CA10: variants seen among roughly 807,000 people sequenced by gnomAD.
CA10 encodes the protein carbonic anhydrase-related protein 10.
Under a neutral mutation model 44.2 loss-of-function variants are expected in CA10, and 14 were observed. The observed-to-expected ratio is 0.32, with a 90% CI of 0.21 to 0.50. CA10 has a LOEUF of 0.50. Ranked by LOEUF, CA10 falls within the 20% of genes least tolerant of loss-of-function variation. The pLI, the probability that CA10 is intolerant of heterozygous loss-of-function variation, is 0.99. For synonymous variants in CA10, 159 were observed against 141.6 expected, an observed-to-expected ratio of 1.12 and a Z score of -0.87; for missense variants, 350 against 409.7, an observed-to-expected ratio of 0.85 and a Z score of 1.26.
intron 1 of CA10, among the ~76,000 whole-genome samples, chr17:52,109,612 C>G (rs1011572532): frequency 6.6e-6 from 1 of 152,148 alleles, no homozygotes; most frequent in Non-Finnish European, 1.5e-5. Flanking sequence ...AAAATAGTGG[C>G]TATTAGTTTC....
At position 52,038,496 on chromosome 17, in the gene CA10, T is replaced by C. The variant is rs1369849017; in HGVS notation, c.136+33823A>G. 1.3e-5 allele frequency among the ~76,000 whole-genome samples: 2 copies of C among 152,142 alleles called. 1 individual carries two copies. The highest frequency in any genetic ancestry group is 4.8e-5 in the African/African-American group (2 of 41,436). On this transcript the variant is annotated intron_variant, in intron 2 of 8. Coordinates refer to ENST00000451037, the MANE Select transcript of CA10 (RefSeq NM_020178.5). ...TTTTTGGAATTAGAATACAGAAGAC[T>C]AAACTGAATTAAACACTAAAGCAAG...
chr17:51,852,596 T>G (rs28547448), intron 3 of CA10, among the ~76,000 whole-genome samples: 32,692 of 152,070 alleles, frequency 0.21, 6,582 homozygotes, highest in African/African-American at 0.54. Context: ...CAGGTCTGAA[T>G]CTAAATGTCC....
chr17:52,050,424 T>C (rs1987031506), intron 2 of CA10, among the ~76,000 whole-genome samples: 1 of 152,092 alleles, frequency 6.6e-6, no homozygotes, highest in Non-Finnish European at 1.5e-5. Context: ...ATTCCATGCT[T>C]GCCCTTTTCT....
intron 2 of CA10, among the ~76,000 whole-genome samples, chr17:52,055,780 C>T (rs1987211250): frequency 6.6e-6 from 1 of 152,086 alleles, no homozygotes; most frequent in Non-Finnish European, 1.5e-5. Context: ...GAATATAAAA[C>T]TCTTTTAAAT....
At chr17:51,728,332 G>A (rs530313424) in intron 4 of CA10, among the ~76,000 whole-genome samples, 88 of 151,822 alleles carry the variant, frequency 5.8e-4, no homozygotes, top group Non-Finnish European at 1.0e-3. Context: ...ACAACACTAT[G>A]AACTAAATTA....
At chr17:51,967,340 A>ATATG (rs1231499592) in intron 2 of CA10, among the ~76,000 whole-genome samples, 3 of 150,324 alleles carry the variant, frequency 2.0e-5, no homozygotes, top group African/African-American at 7.3e-5. Context: ...GGAGATATAT[A>ATATG]TATATATATA....
chr17:52,102,275 GT>G (rs1229986518), intron 1 of CA10, among the ~76,000 whole-genome samples: 1 of 152,082 alleles, frequency 6.6e-6, no homozygotes, highest in Non-Finnish European at 1.5e-5. Context: ...GAACATCTTT[GT>G]TTACTCAAAC....
chr17:51,786,585 G>T (rs1906293579), intron 3 of CA10, among the ~76,000 whole-genome samples: 1 of 152,080 alleles, frequency 6.6e-6, no homozygotes, highest in Admixed American at 6.6e-5. Flanking sequence ...CATATCATCT[G>T]CAAACAAGGA....
intron 3 of CA10, among the ~76,000 whole-genome samples, chr17:51,783,150 A>AT (rs530962535): frequency 0.014 from 2,112 of 151,744 alleles, 27 homozygotes; most frequent in Non-Finnish European, 0.024. Context: ...AAGAGAAATG[A>AT]TTTTTTTTTC....
chr17:51,702,784 C>A (rs1347030637), intron 4 of CA10, among the ~76,000 whole-genome samples: 1 of 152,158 alleles, frequency 6.6e-6, no homozygotes, highest in Non-Finnish European at 1.5e-5. Flanking sequence ...CCAGAGGGTC[C>A]CTGGTTCTCT....
chr17:51,656,220 G>A (rs1270465739), intron 4 of CA10, among the ~76,000 whole-genome samples: 1 of 152,218 alleles, frequency 6.6e-6, no homozygotes, highest in Non-Finnish European at 1.5e-5. Flanking sequence ...TCTGAACAGA[G>A]GAGGGACATG....
At chr17:52,144,040 A>T (rs184167584) in intron 1 of CA10, among the ~76,000 whole-genome samples, 1 of 152,344 alleles carries the variant, frequency 6.6e-6, no homozygotes, top group East Asian at 1.9e-4. Context: ...GCATTTAATT[A>T]TCATTTAAAG....
At chr17:52,115,625 T>G (rs1988877419) in intron 1 of CA10, among the ~76,000 whole-genome samples, 1 of 152,058 alleles carries the variant, frequency 6.6e-6, no homozygotes, top group Non-Finnish European at 1.5e-5. Flanking sequence ...TGGCCACAGG[T>G]GCATGCACAG....
At chr17:51,869,069 T>C (rs944692503) in intron 3 of CA10, among the ~76,000 whole-genome samples, 11 of 152,012 alleles carry the variant, frequency 7.2e-5, no homozygotes, top group African/African-American at 2.2e-4. Flanking sequence ...CATAGAAAGA[T>C]TTTGATGCTC....
At chr17:51,878,871 TATATATATATA>T (rs1980220109) in intron 3 of CA10, among the ~76,000 whole-genome samples, 1 of 26,650 alleles carries the variant, frequency 3.8e-5, no homozygotes, top group African/African-American at 2.0e-4. Flanking sequence ...TATATATATA[TATATATATATA>T]TATATATATG....
chr17:51,831,733 A>AGCAGCAGCAGCCGCCGCAGC (rs1567854687), intron 3 of CA10, among the ~76,000 whole-genome samples: 5 of 121,522 alleles, frequency 4.1e-5, no homozygotes, highest in African/African-American at 2.1e-4. Context: ...GCAGCAGCAG[A>AGCAGCAGCAGCCGCCGCAGC]AAAAGACCTT....
chr17:51,938,315 A>G (rs1185045844), intron 2 of CA10, among the ~76,000 whole-genome samples: 1 of 152,092 alleles, frequency 6.6e-6, no homozygotes, highest in Non-Finnish European at 1.5e-5. Context: ...GTGTGATTCC[A>G]ACACTGTAGC....
In CA10 at chr17:51,947,267, C is replaced by A. The variant is rs554635964; in HGVS notation, c.137-16135G>T. Among the ~76,000 whole-genome samples the A allele has an allele frequency of 5.2e-4, 71 of 136,574 alleles. 1 individual carries two copies. The highest frequency in any genetic ancestry group is 4.1e-3 in the Middle Eastern group (1 of 244). 89.6% of individuals were successfully genotyped at this position (136,574 alleles called of 152,430 possible). Reference sequence around the variant, plus strand: ...AAAAAAGCCAAAAACCTTGTCTAGACTTTGAGTCACCTTTATTTGTGTACT... The same window carrying A: ...AAAAAAGCCAAAAACCTTGTCTAGAATTTGAGTCACCTTTATTTGTGTACT... On this transcript the variant is annotated intron_variant, in intron 2 of 8. Coordinates refer to ENST00000451037, the MANE Select transcript of CA10 (RefSeq NM_020178.5).
intron 3 of CA10, among the ~76,000 whole-genome samples, chr17:51,872,626 G>T (rs1234939802): frequency 6.6e-6 from 1 of 152,178 alleles, no homozygotes; most frequent in African/African-American, 2.4e-5. Context: ...ACTAGGTCCT[G>T]AACAAATAGA....
Sources: allele counts gnomAD v4.1 joint callset (sites outside exome capture counted in the v4.1 genomes callset), GRCh38; gene constraint gnomAD v4.1.1; transcripts MANE v1.5; gene names NCBI Gene and HGNC (gene_info 2026-07-23, HGNC 2026-07-21).